Variants in HMBOX1 observed in about 807,000 individuals in gnomAD.
HMBOX1 encodes the protein homeobox containing 1, also known as homeobox-containing protein 1.
Under a neutral mutation model 54.5 loss-of-function variants are expected in HMBOX1, and 14 were observed. The ratio of observed to expected loss-of-function variants is 0.26; its 90% confidence interval spans 0.17 to 0.40. The LOEUF (loss-of-function observed/expected upper bound fraction) is 0.40, where lower values mean the gene tolerates loss of function less well. Among genes scored for constraint, HMBOX1 ranks in the 10% least tolerant of loss-of-function variants. The pLI, the probability that HMBOX1 is intolerant of heterozygous loss-of-function variation, is 1.00. For synonymous variants in HMBOX1, 160 were observed against 181.0 expected (o/e 0.88, Z 0.93); for missense variants, 332 against 514.4 (o/e 0.65, Z 3.43).
intron 1 of HMBOX1, among the ~76,000 whole-genome samples, chr8:28,955,392 A>G (rs1163287003): frequency 3.3e-5 from 5 of 152,160 alleles, no homozygotes; most frequent in Admixed American, 6.5e-5. Context: ...AGATGTGCAT[A>G]TGTATGTCTG....
chr8:29,043,381 C>T (rs1010774352), intron 6 of HMBOX1, among the ~76,000 whole-genome samples: 11 of 152,242 alleles, frequency 7.2e-5, no homozygotes, highest in African/African-American at 2.7e-4. Context: ...TTTCCAGGCT[C>T]CTGCCAACAA....
chr8:29,014,100 G>A (rs1209933972), intron 5 of HMBOX1, among the ~76,000 whole-genome samples: 1 of 152,006 alleles, frequency 6.6e-6, no homozygotes, highest in Non-Finnish European at 1.5e-5. Flanking sequence ...CTCACCCAGA[G>A]CTAACCCTGA....
At chr8:28,923,188 T>C (rs573194875) in intron 1 of HMBOX1, among the ~76,000 whole-genome samples, 159 of 152,190 alleles carry the variant, frequency 1.0e-3, no homozygotes, top group Non-Finnish European at 1.9e-3. Context: ...AATTCTCTCC[T>C]GCCCTCATCC....
intron 4 of HMBOX1, among the ~76,000 whole-genome samples, chr8:28,986,961 G>A (rs538583747): frequency 4.6e-5 from 7 of 152,030 alleles, no homozygotes; most frequent in African/African-American, 7.2e-5. Flanking sequence ...AAATAATTTC[G>A]GAGGATATTT....
At chr8:28,989,221 G>A (rs978701275) in intron 4 of HMBOX1, among the ~76,000 whole-genome samples, 6 of 151,892 alleles carry the variant, frequency 4.0e-5, no homozygotes, top group Middle Eastern at 3.4e-3. Flanking sequence ...GGGGTGAGCC[G>A]AGATTGTGCC....
intron 6 of HMBOX1, among the ~76,000 whole-genome samples, chr8:29,030,181 T>TG (rs1802714771): frequency 7.1e-6 from 1 of 140,490 alleles, no homozygotes; most frequent in African/African-American, 2.9e-5. Context: ...AGGTTCCAGT[T>TG]TTTTTTTTTT....
At chr8:29,012,749 G>A (rs1834375225) in intron 5 of HMBOX1, among the ~76,000 whole-genome samples, 1 of 152,112 alleles carries the variant, frequency 6.6e-6, no homozygotes, top group Non-Finnish European at 1.5e-5. Flanking sequence ...TAGGAAGGGG[G>A]AGACAGACCA....
chr8:28,920,600 A>T (rs1386451366), intron 1 of HMBOX1, among the ~76,000 whole-genome samples: 1 of 152,204 alleles, frequency 6.6e-6, no homozygotes, highest in African/African-American at 2.4e-5. Context: ...ATGGGCATTT[A>T]TTGAGTACCT....
intron 1 of HMBOX1, among the ~76,000 whole-genome samples, chr8:28,894,832 C>T (rs1811769336): frequency 6.6e-6 from 1 of 152,066 alleles, no homozygotes; most frequent in Admixed American, 6.6e-5. Flanking sequence ...ATGGTTTTTA[C>T]CCTTATAGTG....
At chr8:28,974,054 T>C (rs938500684) in intron 3 of HMBOX1, among the ~76,000 whole-genome samples, 4 of 152,030 alleles carry the variant, frequency 2.6e-5, no homozygotes, top group African/African-American at 9.7e-5. Flanking sequence ...CCTCAAGTGA[T>C]CCGCCCACCT....
intron 1 of HMBOX1, among the ~76,000 whole-genome samples, chr8:28,897,048 G>C (rs1445099548): frequency 6.7e-6 from 1 of 150,168 alleles, no homozygotes; most frequent in Non-Finnish European, 1.5e-5. Context: ...ACAATGGCGC[G>C]ATGTCATCTC....
intron 1 of HMBOX1, among the ~76,000 whole-genome samples, chr8:28,937,929 T>C (rs933291415): frequency 1.3e-5 from 2 of 152,218 alleles, no homozygotes; most frequent in Non-Finnish European, 2.9e-5. Flanking sequence ...CTTCAGTTAT[T>C]AGGTGTCATC....
intron 4 of HMBOX1, among the ~76,000 whole-genome samples, chr8:28,995,738 T>C (rs1831712384): frequency 6.6e-6 from 1 of 152,210 alleles, no homozygotes; most frequent in Admixed American, 6.5e-5. Context: ...AATGCACTTT[T>C]CATGTGCATC....
At chr8:28,904,073 A>G (rs912767021) in intron 1 of HMBOX1, among the ~76,000 whole-genome samples, 2 of 152,114 alleles carry the variant, frequency 1.3e-5, no homozygotes, top group South Asian at 2.1e-4. Context: ...TCTAGGGCCA[A>G]CGCCTTTTCT....
intron 8 of HMBOX1, 57 bp downstream of exon 8, chr8:29,047,510 A>G (rs1586689423): frequency 1.2e-6 from 1 of 837,470 alleles, no homozygotes; most frequent in African/African-American, 1.7e-5. Context: ...CGTCATGTTT[A>G]TATTAAGATT....
intron 4 of HMBOX1, among the ~76,000 whole-genome samples, chr8:29,008,155 T>C (rs1247059787): frequency 6.6e-6 from 1 of 152,204 alleles, no homozygotes; most frequent in Non-Finnish European, 1.5e-5. Context: ...GAATGGTCTT[T>C]TGGAAACTGC....
At chr8:29,014,376 C>T (rs1459936327) in intron 5 of HMBOX1, among the ~76,000 whole-genome samples, 1 of 152,136 alleles carries the variant, frequency 6.6e-6, no homozygotes, top group East Asian at 1.9e-4. Context: ...GGCTTAAATA[C>T]ATTGTTCCTG....
chr8:29,022,367 A>G (rs1801322454), intron 6 of HMBOX1, among the ~76,000 whole-genome samples: 2 of 152,178 alleles, frequency 1.3e-5, no homozygotes, highest in South Asian at 2.1e-4. Flanking sequence ...GCAGTGAGCT[A>G]TGATCACACT....
chr8:28,961,900 T>TTTTG (rs1825669174), intron 1 of HMBOX1, among the ~76,000 whole-genome samples: 1 of 139,208 alleles, frequency 7.2e-6, no homozygotes, highest in Non-Finnish European at 1.5e-5. Flanking sequence ...TTTTATTTTT[T>TTTTG]TTTTTTTTTT....
Sources: allele counts gnomAD v4.1 joint callset (sites outside exome capture counted in the v4.1 genomes callset), GRCh38; gene constraint gnomAD v4.1.1; transcripts MANE v1.5; gene names NCBI Gene and HGNC (gene_info 2026-07-23, HGNC 2026-07-21).